ADCY2: variants seen among roughly 807,000 people sequenced by gnomAD.
ADCY2 encodes adenylate cyclase type 2.
ADCY2 carries 31 observed loss-of-function variants against 125.2 expected under a neutral mutation model. The ratio of observed to expected loss-of-function variants is 0.25; its 90% CI spans 0.19 to 0.33. The LOEUF (loss-of-function observed/expected upper bound fraction) is 0.33, where lower values mean the gene tolerates loss of function less well. Among genes scored for constraint, ADCY2 ranks in the 10% least tolerant of loss-of-function variants. ADCY2 has a pLI of 1.00. For synonymous variants in ADCY2, 512 were observed against 548.4 expected, an observed-to-expected ratio of 0.93 and a Z score of 0.93; for missense variants, 904 against 1,418.2, an observed-to-expected ratio of 0.64 and a Z score of 5.82.
intron 2 of ADCY2, among the ~76,000 whole-genome samples, chr5:7,428,944 T>C (rs1740488855): frequency 6.6e-6 from 1 of 152,058 alleles, no homozygotes; most frequent in Non-Finnish European, 1.5e-5. Flanking sequence ...GAAACAGAAT[T>C]CTGAGTTTGG....
intron 2 of ADCY2, among the ~76,000 whole-genome samples, chr5:7,493,842 C>A (rs906797793): frequency 1.3e-5 from 2 of 152,116 alleles, no homozygotes; most frequent in Non-Finnish European, 2.9e-5. Context: ...CAACCCTGGC[C>A]TAGGGGAAGG....
chr5:7,635,989 T>C (rs1738488348), intron 4 of ADCY2, among the ~76,000 whole-genome samples: 1 of 152,196 alleles, frequency 6.6e-6, no homozygotes, highest in African/African-American at 2.4e-5. Flanking sequence ...CCTAAGTGTT[T>C]AGCCTGTGGC....
At chr5:7,538,855 CTTTTCTTTTCT>C (rs1561081653) in intron 3 of ADCY2, among the ~76,000 whole-genome samples, 1 of 136,040 alleles carries the variant, frequency 7.4e-6, no homozygotes. Context: ...TTTTTCTTTT[CTTTTCTTTTCT>C]TTTTTTTTTT....
At chr5:7,442,331 T>C (rs115388786) in intron 2 of ADCY2, among the ~76,000 whole-genome samples, 1,992 of 152,306 alleles carry the variant, frequency 0.013, 36 homozygotes, top group African/African-American at 0.045. Context: ...ACATTCTAGA[T>C]TTGTCCATTT....
Position 7,488,781 on chromosome 5 carries a change from G to T in ADCY2, c.409-31957G>T, listed in dbSNP as rs1743041251. ...AGCATTCTCGCCCCTAGATCCCTTT[G>T]CCCATTTCTTCTAGAATCCCAAAGC... On this transcript the variant is annotated intron_variant, in intron 2 of 24. Transcript: ENST00000338316. 2.0e-5 allele frequency among the ~76,000 whole-genome samples: 3 copies of T among 152,058 alleles called. No homozygotes were observed. In the South Asian group the frequency reaches 6.2e-4, roughly 32 times the overall value.
At chr5:7,749,404 T>C (rs1239931281) in intron 15 of ADCY2, among the ~76,000 whole-genome samples, 7 of 152,222 alleles carry the variant, frequency 4.6e-5, no homozygotes, top group Non-Finnish European at 1.0e-4. Context: ...TCAGACATTA[T>C]TTTATTTGAT....
intron 3 of ADCY2, among the ~76,000 whole-genome samples, chr5:7,577,893 C>T (rs1736300828): frequency 6.6e-6 from 1 of 152,120 alleles, no homozygotes; most frequent in Non-Finnish European, 1.5e-5. Flanking sequence ...TTATGGGGCC[C>T]ACCAACGCAG....
chr5:7,480,211 C>T (rs1180858050), intron 2 of ADCY2, among the ~76,000 whole-genome samples: 1 of 151,832 alleles, frequency 6.6e-6, no homozygotes, highest in Non-Finnish European at 1.5e-5. Flanking sequence ...GTGGTGATTC[C>T]TCAGAGACCT....
intron 3 of ADCY2, among the ~76,000 whole-genome samples, chr5:7,528,156 A>G (rs1734534328): frequency 1.3e-5 from 2 of 152,216 alleles, no homozygotes; most frequent in South Asian, 4.1e-4. Flanking sequence ...GGAGCTAAAA[A>G]TAGGAAAGTG....
intron 2 of ADCY2, among the ~76,000 whole-genome samples, chr5:7,490,128 C>T (rs928676167): frequency 5.9e-5 from 9 of 152,122 alleles, no homozygotes; most frequent in Middle Eastern, 6.8e-3. Context: ...TTCATTATTA[C>T]TATGACAGTA....
chr5:7,541,778 G>T (rs1735003479), intron 3 of ADCY2, among the ~76,000 whole-genome samples: 1 of 152,184 alleles, frequency 6.6e-6, no homozygotes, highest in Non-Finnish European at 1.5e-5. Flanking sequence ...GGAATACAGA[G>T]TCCAAAGAGA....
intron 3 of ADCY2, among the ~76,000 whole-genome samples, chr5:7,573,230 T>G (rs1157988916): frequency 6.6e-6 from 1 of 152,202 alleles, no homozygotes; most frequent in Non-Finnish European, 1.5e-5. Flanking sequence ...AGCAAATCAA[T>G]GCAATAAGGT....
At chr5:7,532,395 TAAG>T (rs1734679019) in intron 3 of ADCY2, among the ~76,000 whole-genome samples, 1 of 152,236 alleles carries the variant, frequency 6.6e-6, no homozygotes, top group Admixed American at 6.5e-5. Context: ...GTTTTCCGGG[TAAG>T]TAGTCATGTC....
intron 11 of ADCY2, 31 bp downstream of exon 11, chr5:7,712,930 G>C: frequency 1.3e-6 from 2 of 1,502,008 alleles, no homozygotes; most frequent in Non-Finnish European, 1.8e-6. Flanking sequence ...ATTTTTTAAA[G>C]CTTATTGCTC....
At chr5:7,808,654 A>C (rs188813441) in intron 22 of ADCY2, among the ~76,000 whole-genome samples, 1 of 152,184 alleles carries the variant, frequency 6.6e-6, no homozygotes, top group Non-Finnish European at 1.5e-5. Context: ...CCAGAGCTCC[A>C]CATGGCAGCC....
chr5:7,762,226 G>T (rs1361250546), intron 16 of ADCY2, among the ~76,000 whole-genome samples: 2 of 152,208 alleles, frequency 1.3e-5, no homozygotes, highest in African/African-American at 2.4e-5. Flanking sequence ...TGCTCCTCTT[G>T]TACTTATGTC....
At chr5:7,768,165 G>T (rs1272787805) in intron 17 of ADCY2, among the ~76,000 whole-genome samples, 2 of 152,202 alleles carry the variant, frequency 1.3e-5, no homozygotes, top group African/African-American at 2.4e-5. Flanking sequence ...GGGTGCTATA[G>T]GTTCATCCCC....
chr5:7,401,708 C>T (rs1739270650), intron 1 of ADCY2, among the ~76,000 whole-genome samples: 1 of 152,180 alleles, frequency 6.6e-6, no homozygotes, highest in Non-Finnish European at 1.5e-5. Flanking sequence ...GGCATATGCA[C>T]CATGGGTGTG....
At chr5:7,449,288 A>G (rs1293401559) in intron 2 of ADCY2, among the ~76,000 whole-genome samples, 1 of 152,162 alleles carries the variant, frequency 6.6e-6, no homozygotes, top group African/African-American at 2.4e-5. Flanking sequence ...ATCCAGAAAA[A>G]CCAATTTTTC....
Sources: allele counts gnomAD v4.1 joint callset (sites outside exome capture counted in the v4.1 genomes callset), GRCh38; gene constraint gnomAD v4.1.1; transcripts MANE v1.5; gene names NCBI Gene and HGNC (gene_info 2026-07-23, HGNC 2026-07-21).